The following NXF1 variants were observed in gnomAD, a reference collection of about 807,000 sequenced individuals.
NXF1 encodes the protein nuclear RNA export factor 1.
A neutral mutation model predicts 92.4 loss-of-function variants in NXF1; 43 were observed. The observed-to-expected ratio is 0.47, with a 90% CI of 0.36 to 0.60. The LOEUF (loss-of-function observed/expected upper bound fraction) is 0.60. Ranked by LOEUF, NXF1 falls within the 20% of genes least tolerant of loss-of-function variation. The pLI, the probability that NXF1 is intolerant of heterozygous loss-of-function variation, is 0.00. For missense variants in NXF1, 576 were observed against 793.0 expected, an observed-to-expected ratio of 0.73 and a Z score of 3.29; for synonymous variants, 288 against 292.2, an observed-to-expected ratio of 0.99 and a Z score of 0.15.
At chr11:62,802,405 A>G (rs551069887) in intron 3 of NXF1, 145 bp from the exon 4 acceptor site, 129 of 641,728 alleles carry the variant, frequency 2.0e-4, no homozygotes, top group Middle Eastern at 8.6e-4. Context: ...TGAGATACAC[A>G]TAGATTCTTT....
At chr11:62,797,081 A>C (rs1207102654) in intron 13 of NXF1, 102 bp downstream of exon 13, 1 of 1,103,330 alleles carries the variant, frequency 9.1e-7, no homozygotes, top group Non-Finnish European at 1.3e-6. Context: ...AAAAAAAAAA[A>C]AACAAAACAA....
intron 3 of NXF1, 57 bp downstream of exon 3, chr11:62,803,362 C>A: frequency 7.3e-7 from 1 of 1,365,380 alleles, no homozygotes; most frequent in Non-Finnish European, 1.0e-6. Context: ...TAAACATCTC[C>A]ACTCTCAGCG....
chr11:62,799,797 T>C, intron 10 of NXF1: 1 of 985,918 alleles, frequency 1.0e-6, no homozygotes, highest in Non-Finnish European at 1.2e-6. Context: ...GCCCAGCTCA[T>C]AGCACTGGGC....
chr11:62,792,821 A>G (rs1306728764), intron 19 of NXF1, 120 bp from the exon 20 acceptor site: 11 of 771,648 alleles, frequency 1.4e-5, no homozygotes, highest in Non-Finnish European at 2.0e-5. Context: ...ACATCCTTGC[A>G]CTATTTATAC....
chr11:62,798,533 A>C lies in NXF1; in HGVS notation c.1053+6T>G, dbSNP rs2084445333. 1 of 1,613,908 alleles carries C rather than the reference A, an allele frequency of 6.2e-7. No individual in the cohort carries two copies. Among genetic ancestry groups the C allele is most frequent in the African/African-American group, 1.3e-5 (1 of 74,890 alleles). ...GCTTGTTAGAATGAAAAAATTATGG[A>C]CTTACCAGGCGTAGTAACTTGGGAA... On this transcript the variant is annotated splice_donor_region_variant and intron_variant, in intron 11 of 20. Transcript: ENST00000294172.
Position 62,803,538 on chromosome 11 carries a change from C to A in NXF1, c.250G>T (p.Asp84Tyr). 1.2e-6 allele frequency: 2 copies of A among 1,614,124 alleles called. No homozygotes were observed. The highest frequency in any genetic ancestry group is 1.7e-6 in the Non-Finnish European group (2 of 1,180,030). ...PYTTRPNRRG[D>Y]TWHDRDRIHV... ...ATGCGATCTCGATCATGCCAAGTATCACCCCGACGGTTAGGTCGGGTGGTA... is the reference window on the plus strand; with the variant it reads ...ATGCGATCTCGATCATGCCAAGTATAACCCCGACGGTTAGGTCGGGTGGTA... Residue 84 changes from aspartate to tyrosine, a missense_variant, in exon 3 of 21, where the codon GAT becomes TAT. By Grantham distance (160) the Asp-to-Tyr change is radical (BLOSUM62 -3). Around this residue, in one of 2 missense-constraint regions of NXF1, gnomAD observed 151 missense variants for 157.8 expected, o/e 0.96. Coordinates refer to ENST00000294172, the MANE Select transcript of NXF1 (RefSeq NM_006362.5).
At chr11:62,801,292 T>C in intron 8 of NXF1, 37 bp downstream of exon 8, 2 of 1,610,362 alleles carry the variant, frequency 1.2e-6, no homozygotes, top group Non-Finnish European at 1.7e-6. Flanking sequence ...TAACACACCC[T>C]GCTTCCTCAT....
chr11:62,796,804 C>T (rs1359152349), intron 13 of NXF1: 1 of 555,956 alleles, frequency 1.8e-6, no homozygotes, highest in Non-Finnish European at 3.2e-6. Flanking sequence ...TGCGGTGGCT[C>T]ACGCCTCTAA....
At chr11:62,798,254 C>T (rs1447946799) in intron 11 of NXF1, among the ~76,000 whole-genome samples, 1 of 151,404 alleles carries the variant, frequency 6.6e-6, no homozygotes, top group Non-Finnish European at 1.5e-5. Flanking sequence ...ATGGTGAAAC[C>T]CTGTCTCTAC....
rs2084415699 is a variant in NXF1 at position 62,795,958 on chromosome 11, G to C, written c.1462-15C>G. 1 of 1,613,908 alleles carries C rather than the reference G, an allele frequency of 6.2e-7. No individual in the cohort carries two copies. Among genetic ancestry groups the C allele is most frequent in the Non-Finnish European group, 8.5e-7 (1 of 1,179,930 alleles). On this transcript the variant is annotated splice_polypyrimidine_tract_variant and intron_variant, in intron 16 of 20. Transcript: ENST00000294172. ...AGCAATGTGCTCTGAAAGAGAAGCA[G>C]CATCAGGTACAATGTACACTTCTCA...
intron 10 of NXF1, chr11:62,800,148 C>T: frequency 1.4e-6 from 2 of 1,389,916 alleles, no homozygotes; most frequent in Non-Finnish European, 1.9e-6. Context: ...AAGAGAAAGG[C>T]CACAGACCCA....
At position 62,793,819 on chromosome 11, in the gene NXF1, T is replaced by TAAAAAA. The variant is rs56389050; in HGVS notation, c.1760+433_1760+438dup. On this transcript the variant is annotated intron_variant, in intron 19 of 20. Transcript: ENST00000294172. Reference sequence around the variant, plus strand: ...CAACATGATGAAAGCCCGTCTCTACTAAAAAAAAAAAAAAAAAAAAAAAAT... The same window carrying TAAAAAA: ...CAACATGATGAAAGCCCGTCTCTACTAAAAAAAAAAAAAAAAAAAAAAAAAAAAAAT... 1.0e-4 allele frequency among the ~76,000 whole-genome samples: 9 copies of TAAAAAA among 86,500 alleles called. 1 individual carries two copies. The highest frequency in any genetic ancestry group is 2.4e-4 in the African/African-American group (5 of 20,926). 56.7% of individuals were successfully genotyped at this position (86,500 alleles called of 152,430 possible). A position where few individuals can be genotyped will look rare whatever the true frequency, so the allele number is the denominator to read the frequency against.
chr11:62,792,612 C>T, intron 20 of NXF1, 29 bp downstream of exon 20: 1 of 1,614,120 alleles, frequency 6.2e-7, no homozygotes, highest in Non-Finnish European at 8.5e-7. Context: ...AGATCCTAGT[C>T]TTTTTGCCAC....
intron 7 of NXF1, 51 bp downstream of exon 7, chr11:62,801,511 C>G: frequency 1.2e-6 from 2 of 1,609,182 alleles, no homozygotes; most frequent in Non-Finnish European, 1.7e-6. Flanking sequence ...CCCTCCCTGA[C>G]AGATCCCACC....
intron 10 of NXF1, chr11:62,800,148 C>A: frequency 7.2e-7 from 1 of 1,389,916 alleles, no homozygotes; most frequent in Non-Finnish European, 9.3e-7. Flanking sequence ...AAGAGAAAGG[C>A]CACAGACCCA....
Sources: allele counts gnomAD v4.1 joint callset (sites outside exome capture counted in the v4.1 genomes callset), GRCh38; gene constraint gnomAD v4.1.1; regional missense constraint gnomAD v4.1.1; transcripts MANE v1.5; gene names NCBI Gene and HGNC (gene_info 2026-07-23, HGNC 2026-07-21).